The following CDC42EP3 variants were observed in gnomAD, a reference collection of about 807,000 sequenced individuals.
The protein encoded by CDC42EP3 is CDC42 effector protein (Rho GTPase binding) 3.
Under a neutral mutation model 15.5 loss-of-function variants are expected in CDC42EP3, and 4 were observed. The ratio of observed to expected loss-of-function variants is 0.26; its 90% CI spans 0.13 to 0.59. The LOEUF (loss-of-function observed/expected upper bound fraction) is 0.59, where lower values mean the gene tolerates loss of function less well. Ranked by LOEUF, CDC42EP3 falls within the 20% of genes least tolerant of loss-of-function variation. The pLI is 0.89. For synonymous variants in CDC42EP3, 145 were observed against 130.3 expected, an observed-to-expected ratio of 1.11 and a Z score of -0.77; for missense variants, 309 against 311.2, an observed-to-expected ratio of 0.99 and a Z score of 0.05.
At chr2:37,663,914 C>T (rs920262992) in intron 1 of CDC42EP3, among the ~76,000 whole-genome samples, 9 of 152,082 alleles carry the variant, frequency 5.9e-5, no homozygotes, top group African/African-American at 2.2e-4. Context: ...GTGGCTCATG[C>T]CTGTAATCCC....
Position 37,646,212 on chromosome 2 carries a change from C to T in CDC42EP3, c.376G>A (p.Val126Met), listed in dbSNP as rs867783632. Residue 126 changes from valine (V) to methionine (M), a missense_variant, in exon 2 of 2, where the codon GTG becomes ATG. Coordinates refer to ENST00000295324, the MANE Select transcript of CDC42EP3 (RefSeq NM_006449.5). The part of the protein sequence containing the change: ...QALMLPLLSP[V>M]TFNSKQESFG... ...GACTCCTGTTTGGAATTAAATGTCA[C>T]TGGTGACAATAAGGGCAACATGAGA... 2 of 1,614,170 alleles carry T rather than the reference C, an allele frequency of 1.2e-6. No homozygotes were observed. The highest frequency in any genetic ancestry group is 1.6e-4 in the Middle Eastern group (1 of 6,062).
chr2:37,656,953 A>G (rs1665870223), intron 1 of CDC42EP3, among the ~76,000 whole-genome samples: 1 of 147,894 alleles, frequency 6.8e-6, no homozygotes, highest in African/African-American at 2.5e-5. Flanking sequence ...GTAAACGTCA[A>G]AAGATTTGAA....
Position 37,646,323 on chromosome 2 carries a change from T to C in CDC42EP3, c.265A>G (p.Ser89Gly), listed in dbSNP as rs781508328. Residue 89 changes from serine to glycine, a missense_variant, in exon 2 of 2, where the codon AGC (serine) becomes GGC (glycine). By Grantham distance (56) the Ser-to-Gly change is moderately conservative. Coordinates refer to ENST00000295324, the MANE Select transcript of CDC42EP3 (RefSeq NM_006449.5). Reference sequence around the variant, plus strand: ...TCTGTGAACACAGAGTCCGAGGTGCTGTTGGCCCGGAAGAACTCATTATGC... The same window carrying C: ...TCTGTGAACACAGAGTCCGAGGTGCCGTTGGCCCGGAAGAACTCATTATGC... ...PGHNEFFRAN[S>G]TSDSVFTETP... is the part of the protein sequence containing the mutation. 6.2e-7 allele frequency: 1 copy of C among 1,614,162 alleles called. No individual in the cohort carries two copies. The highest frequency in any genetic ancestry group is 2.2e-5 in the East Asian group (1 of 44,872).
intron 1 of CDC42EP3, among the ~76,000 whole-genome samples, chr2:37,660,362 G>A (rs909111124): frequency 6.6e-6 from 1 of 152,182 alleles, no homozygotes; most frequent in Admixed American, 6.5e-5. Flanking sequence ...ACATAGGGCT[G>A]GGGCTATCTT....
At chr2:37,652,306 G>A (rs1464337260) in intron 1 of CDC42EP3, among the ~76,000 whole-genome samples, 1 of 151,726 alleles carries the variant, frequency 6.6e-6, no homozygotes, top group African/African-American at 2.4e-5. Flanking sequence ...GTTCTGCCCA[G>A]AAGGAAGAAG....
At chr2:37,657,082 G>T (rs535585828) in intron 1 of CDC42EP3, among the ~76,000 whole-genome samples, 1 of 144,706 alleles carries the variant, frequency 6.9e-6, no homozygotes, top group African/African-American at 2.6e-5. Flanking sequence ...CCCAGAGGAA[G>T]CCCATTGCAT....
intron 1 of CDC42EP3, among the ~76,000 whole-genome samples, chr2:37,661,423 A>T (rs1345402566): frequency 6.6e-6 from 1 of 152,168 alleles, no homozygotes; most frequent in Admixed American, 6.5e-5. Flanking sequence ...AAGACACAGG[A>T]GATGCACTTA....
chr2:37,645,964 G>A lies in CDC42EP3; in HGVS notation c.624C>T (p.Pro208=). ...DWPAEDMFDH[P]TPCELIKGKT... ...TTCCCTTGATGAGCTCGCATGGGGT[G>A]GGATGGTCAAACATGTCCTCGGCTG... is the stretch of plus-strand genomic sequence containing the variant. Residue 208 remains proline, a synonymous_variant, in exon 2 of 2, where the codon CCC becomes CCT. Transcript: ENST00000295324. The A allele has an allele frequency of 1.9e-6, 3 of 1,614,088 alleles. No homozygotes were observed. The highest frequency in any genetic ancestry group is 1.3e-5 in the African/African-American group (1 of 75,038).
At chr2:37,652,943 A>G (rs963863746) in intron 1 of CDC42EP3, among the ~76,000 whole-genome samples, 5 of 152,238 alleles carry the variant, frequency 3.3e-5, no homozygotes, top group African/African-American at 1.2e-4. Flanking sequence ...AAAGGTTCTT[A>G]TAGTTAGCCC....
At chr2:37,652,174 C>CAAAAAA (rs61407687) in intron 1 of CDC42EP3, among the ~76,000 whole-genome samples, 77 of 39,114 alleles carry the variant, frequency 2.0e-3, no homozygotes, top group African/African-American at 3.6e-3. Flanking sequence ...GACTCCCTCT[C>CAAAAAA]AAAAAAAAAA....
chr2:37,664,517 C>G (rs1666191967), intron 1 of CDC42EP3, among the ~76,000 whole-genome samples: 2 of 151,814 alleles, frequency 1.3e-5, no homozygotes, highest in Non-Finnish European at 1.5e-5. Context: ...ATATATACAT[C>G]TATCCTGTTA....
chr2:37,646,036 G>A lies in CDC42EP3; in HGVS notation c.552C>T (p.Gly184=), dbSNP rs1665445519. ...SSGSASQSSQ[G]RDSHSSSLSE... Reference sequence around the variant, plus strand: ...ACAGGCTGGAGGAGTGGCTGTCTCTGCCTTGGCTGGACTGAGATGCAGAAC... The same window carrying A: ...ACAGGCTGGAGGAGTGGCTGTCTCTACCTTGGCTGGACTGAGATGCAGAAC... Residue 184 remains glycine (G), a synonymous_variant, in exon 2 of 2, where the codon GGC becomes GGT. Transcript: ENST00000295324. 6.2e-7 allele frequency: 1 copy of A among 1,613,956 alleles called. No individual in the cohort carries two copies. Among genetic ancestry groups the A allele is most frequent in the African/African-American group, 1.3e-5 (1 of 74,914 alleles).
In CDC42EP3 at chr2:37,644,623, T is replaced by TAAAAA. The variant is rs57818649; in HGVS notation, c.*1195_*1199dup. The TAAAAA allele has an allele frequency of 7.1e-6, 1 of 139,914 alleles. No homozygotes were observed. The highest frequency in any genetic ancestry group is 1.6e-5 in the Non-Finnish European group (1 of 63,854). 8.7% of individuals were successfully genotyped at this position (139,914 alleles called of 1,614,324 possible). ...TGAGAGGGTGGCATCAGTGCTGACT[T>TAAAAA]AAAAAAAAAAAAAAAAATCTGACCT... On this transcript the variant is annotated 3_prime_UTR_variant, in exon 2 of 2. Transcript: ENST00000295324.
intron 1 of CDC42EP3, among the ~76,000 whole-genome samples, chr2:37,662,306 G>A (rs1666081174): frequency 6.6e-6 from 1 of 152,112 alleles, no homozygotes; most frequent in South Asian, 2.1e-4. Context: ...AGCATAAAGT[G>A]CTTGGCAAAG....
In CDC42EP3 at chr2:37,644,983, C is replaced by T. The variant is rs1665396668; in HGVS notation, c.*840G>A. 6.6e-6 allele frequency: 1 copy of T among 152,076 alleles called. No individual in the cohort carries two copies. The highest frequency in any genetic ancestry group is 2.4e-5 in the African/African-American group (1 of 41,384). 9.4% of individuals were successfully genotyped at this position (152,076 alleles called of 1,614,324 possible). ...GCATCATGAGTAACCTGTGCCTTTACACTTTACAATCCGTTATTGGTTGCT... is the reference window on the plus strand; with the variant it reads ...GCATCATGAGTAACCTGTGCCTTTATACTTTACAATCCGTTATTGGTTGCT... On this transcript the variant is annotated 3_prime_UTR_variant, in exon 2 of 2. Coordinates refer to ENST00000295324, the MANE Select transcript of CDC42EP3 (RefSeq NM_006449.5).
intron 1 of CDC42EP3, among the ~76,000 whole-genome samples, chr2:37,661,290 A>G (rs1666049538): frequency 6.6e-6 from 1 of 152,168 alleles, no homozygotes; most frequent in Non-Finnish European, 1.5e-5. Context: ...GCACTGATAA[A>G]AAGTTCACTG....
At chr2:37,659,679 T>C (rs1353421504) in intron 1 of CDC42EP3, among the ~76,000 whole-genome samples, 1 of 152,178 alleles carries the variant, frequency 6.6e-6, no homozygotes, top group East Asian at 1.9e-4. Context: ...GGAGAAACAA[T>C]GAACTTGCTC....
In CDC42EP3 at chr2:37,646,331, C is replaced by A; in HGVS notation, c.257G>T (p.Arg86Leu). ...GQFPGHNEFF[R>L]ANSTSDSVFT... The stretch of plus-strand genomic sequence containing the variant: ...CACAGAGTCCGAGGTGCTGTTGGCC[C>A]GGAAGAACTCATTATGCCCAGGGAA... The change falls in exon 2 of 2, where the codon CGG becomes CTG. Residue 86 changes from arginine (R) to leucine (L), a missense_variant. Transcript: ENST00000295324. The A allele has an allele frequency of 6.2e-7, 1 of 1,614,026 alleles. No homozygotes were observed. The highest frequency in any genetic ancestry group is 1.1e-5 in the South Asian group (1 of 91,068).
intron 1 of CDC42EP3, among the ~76,000 whole-genome samples, chr2:37,661,243 C>G (rs899017940): frequency 1.3e-5 from 2 of 152,000 alleles, no homozygotes; most frequent in African/African-American, 4.8e-5. Context: ...CAGTAAAGGT[C>G]TGGGTTTTGA....
Sources: gnomAD v4.1 joint callset for allele counts (sites outside exome capture counted in the v4.1 genomes callset) on GRCh38, gnomAD v4.1.1 for gene constraint, MANE v1.5 for transcripts, NCBI Gene and HGNC (gene_info 2026-07-23, HGNC 2026-07-21) for gene names.